The following ZNF471 variants were observed in gnomAD, a reference collection of about 807,000 sequenced individuals.
The protein encoded by ZNF471 is zinc finger protein 471.
Under a neutral mutation model 13.7 loss-of-function variants are expected in ZNF471, and 7 were observed. The observed-to-expected ratio is 0.51, with a 90% CI of 0.29 to 0.96. The LOEUF (loss-of-function observed/expected upper bound fraction) is 0.96, where lower values mean the gene tolerates loss of function less well. ZNF471 is among the 40% of genes least tolerant of loss of function. ZNF471 has a pLI of 0.08. For missense variants in ZNF471, 663 were observed against 743.3 expected, an observed-to-expected ratio of 0.89 and a Z score of 1.26; for synonymous variants, 218 against 235.6, an observed-to-expected ratio of 0.93 and a Z score of 0.68.
At chr19:56,512,163 C>T (rs935019713) in intron 2 of ZNF471, among the ~76,000 whole-genome samples, 1 of 141,588 alleles carries the variant, frequency 7.1e-6, no homozygotes, top group African/African-American at 2.6e-5. Flanking sequence ...ACAAAATTTA[C>T]AAACAAATTT....
rs1169511806 is a variant in ZNF471 at position 56,511,527 on chromosome 19, C to T, written c.-45C>T. 1.2e-6 allele frequency: 2 copies of T among 1,612,860 alleles called. No individual in the cohort carries two copies. Among genetic ancestry groups the T allele is most frequent in the Admixed American group, 1.7e-5 (1 of 59,972 alleles). Reference sequence around the variant, plus strand: ...TTTCCCTTCCTTCAGCCTTGCCCTCCCAAGACACTGTTCTTCAAGAGAAAG... The same window carrying T: ...TTTCCCTTCCTTCAGCCTTGCCCTCTCAAGACACTGTTCTTCAAGAGAAAG... On this transcript the variant is annotated 5_prime_UTR_variant, in exon 2 of 5. Transcript: ENST00000308031.
At chr19:56,517,142 CTCTTT>C (rs1014239107) in intron 3 of ZNF471, among the ~76,000 whole-genome samples, 12 of 132,070 alleles carry the variant, frequency 9.1e-5, no homozygotes, top group African/African-American at 3.3e-4. Flanking sequence ...TTCTCTCGCT[CTCTTT>C]TTTTTTTTTT....
chr19:56,510,258 G>C lies in ZNF471; in HGVS notation c.-55-1259G>C. On this transcript the variant is annotated intron_variant, in intron 1 of 4. Transcript: ENST00000308031. The surrounding 1 kb of genome is among the most constrained non-coding windows in gnomAD (Gnocchi z 4.3). ...ACACTGGAGCATTTGAGTAACTGAG[G>C]CCTCTTTGAAAGATACCATTGAATG... The C allele has an allele frequency of 1.0e-6, 1 of 985,462 alleles. No homozygotes were observed. The highest frequency in any genetic ancestry group is 1.2e-6 in the Non-Finnish European group (1 of 829,978). 61.0% of individuals were successfully genotyped at this position (985,462 alleles called of 1,614,324 possible). A position where few individuals can be genotyped will look rare whatever the true frequency, so the allele number is the denominator to read the frequency against.
rs746594568 is a variant in ZNF471, at chr19:56,520,267, T to TA, written c.256+1691dup. On this transcript the variant is annotated intron_variant, in intron 4 of 4. Transcript: ENST00000308031. ...GTGGGATGCTGAGTCAATGTGTAGA[T>TA]ATAAGTATTATTGTATGCATAAGAT... Among the ~76,000 whole-genome samples the TA allele has an allele frequency of 1.2e-4, 18 of 152,270 alleles. 1 individual carries two copies. In the South Asian group the frequency reaches 3.3e-3, roughly 28 times the overall value.
At position 56,516,717 on chromosome 19, in the gene ZNF471, A is replaced by G. The variant is rs1568473020; in HGVS notation, c.160+316A>G. On this transcript the variant is annotated intron_variant, in intron 3 of 4. Transcript: ENST00000308031. The surrounding 1 kb of genome is among the most constrained non-coding windows in gnomAD (Gnocchi z 4.4). ...CCACTAGACAACAACAAGGTTCACAAAGAATATATAGCTAGATTACTATAA... is the reference window on the plus strand; with the variant it reads ...CCACTAGACAACAACAAGGTTCACAGAGAATATATAGCTAGATTACTATAA... Among the ~76,000 whole-genome samples, 2 of 152,240 alleles carry G rather than the reference A, an allele frequency of 1.3e-5. No homozygotes were observed. The highest frequency in any genetic ancestry group is 2.9e-5 in the Non-Finnish European group (2 of 68,026).
At chr19:56,515,738 A>T (rs2043876890) in intron 2 of ZNF471, among the ~76,000 whole-genome samples, 1 of 152,236 alleles carries the variant, frequency 6.6e-6, no homozygotes, top group Admixed American at 6.5e-5. Flanking sequence ...ACTGGTCATT[A>T]ATTTTTCTCT....
rs1180344835 is a variant in ZNF471 at position 56,510,438 on chromosome 19, T to G, written c.-55-1079T>G. The G allele has an allele frequency of 2.0e-6, 2 of 985,494 alleles. No individual in the cohort carries two copies. Among genetic ancestry groups the G allele is most frequent in the Non-Finnish European group, 2.4e-6 (2 of 829,960 alleles). The allele number at this position is 985,494 out of a possible 1,614,324, so 61.0% of individuals were successfully genotyped here. ...TTTACAAATATAACCTCTGTGAGGTTGTGAAGCATGCATGTGTGAGTGAGA... is the reference window on the plus strand; with the variant it reads ...TTTACAAATATAACCTCTGTGAGGTGGTGAAGCATGCATGTGTGAGTGAGA... On this transcript the variant is annotated intron_variant, in intron 1 of 4. Coordinates refer to ENST00000308031, the MANE Select transcript of ZNF471 (RefSeq NM_020813.4). The surrounding 1 kb of genome is among the most constrained non-coding windows in gnomAD (Gnocchi z 4.3).
At position 56,525,897 on chromosome 19, in the gene ZNF471, A is replaced by G. The variant is rs368888162; in HGVS notation, c.1830A>G (p.Arg610=). The G allele has an allele frequency of 1.3e-6, 2 of 1,585,214 alleles. No individual in the cohort carries two copies. The highest frequency in any genetic ancestry group is 1.9e-5 in the Admixed American group (1 of 52,114). The part of the protein sequence containing the change: ...QCFECGKAFR[R]KLSLICHQRS... ...TTGAATGTGGGAAGGCGTTCAGAAGAAAGTTATCCTTAATTTGTCATCAAA... is the reference window on the plus strand; with the variant it reads ...TTGAATGTGGGAAGGCGTTCAGAAGGAAGTTATCCTTAATTTGTCATCAAA... Residue 610 remains arginine, a synonymous_variant, in exon 5 of 5, where the codon AGA becomes AGG. Coordinates refer to ENST00000308031, the MANE Select transcript of ZNF471 (RefSeq NM_020813.4).
chr19:56,523,266 C>T (rs976101788), intron 4 of ZNF471, among the ~76,000 whole-genome samples: 1 of 151,928 alleles, frequency 6.6e-6, no homozygotes, highest in African/African-American at 2.4e-5. Context: ...CCTAGCTACT[C>T]AAGAGAAGGT....
Position 56,524,303 on chromosome 19 carries a change from CT to C in ZNF471, c.257-13del, listed in dbSNP as rs142277230. 1.6e-4 allele frequency: 231 copies of C among 1,477,658 alleles called. 2 individuals are homozygous for C. The African/African-American group carries it at 2.6e-3, about 16-fold the overall frequency. 91.5% of individuals were successfully genotyped at this position (1,477,658 alleles called of 1,614,324 possible). ...TAGCCCATGATAAAGGGAACATTCACTTTTTTTTAATATCTTTCAGATTGGG... is the reference window on the plus strand; with the variant it reads ...TAGCCCATGATAAAGGGAACATTCACTTTTTTTAATATCTTTCAGATTGGG... On this transcript the variant is annotated intron_variant, in intron 4 of 4. Coordinates refer to ENST00000308031, the MANE Select transcript of ZNF471 (RefSeq NM_020813.4). This position sits in a 1 kb window ranked among gnomAD's most constrained non-coding sequence, Gnocchi z 4.8.
rs979555394 is a variant in ZNF471 at position 56,509,814 on chromosome 19, CAGTT to C, written c.-55-1702_-55-1699del. 3 of 982,992 alleles carry C rather than the reference CAGTT, an allele frequency of 3.1e-6. No individual in the cohort carries two copies. In the African/African-American group the frequency reaches 5.3e-5, roughly 17 times the overall value. 60.9% of individuals were successfully genotyped at this position (982,992 alleles called of 1,614,324 possible). On this transcript the variant is annotated intron_variant, in intron 1 of 4. Transcript: ENST00000308031. The stretch of plus-strand genomic sequence containing the variant: ...TGTTGTGTGAGTGGAGTAGGAGAAA[CAGTT>C]TGTTTTTCCTCTTTGTCACCTGAGT...
chr19:56,520,500 C>T (rs751399471), intron 4 of ZNF471, among the ~76,000 whole-genome samples: 4 of 152,120 alleles, frequency 2.6e-5, no homozygotes, highest in Admixed American at 6.6e-5. Context: ...GTTCATTAAC[C>T]CCACATTGCC....
intron 4 of ZNF471, among the ~76,000 whole-genome samples, chr19:56,523,633 C>T (rs1245927117): frequency 2.0e-5 from 3 of 152,164 alleles, no homozygotes; most frequent in African/African-American, 7.2e-5. Flanking sequence ...TTTTCAGCAG[C>T]AGTAGTGATA....
intron 4 of ZNF471, among the ~76,000 whole-genome samples, chr19:56,521,575 C>CTTGCCGAGA (rs1180236040): frequency 2.2e-5 from 3 of 138,900 alleles, no homozygotes. Context: ...GGAGGCAGAA[C>CTTGCCGAGA]TTGCAGTGAG....
At position 56,510,230 on chromosome 19, in the gene ZNF471, G is replaced by A. The variant is rs765129411; in HGVS notation, c.-55-1287G>A. ...TCAGAGTGTGTTTGTGTATCTGTGT[G>A]AGACACTGGAGCATTTGAGTAACTG... On this transcript the variant is annotated intron_variant, in intron 1 of 4. Transcript: ENST00000308031. The surrounding 1 kb of genome is among the most constrained non-coding windows in gnomAD (Gnocchi z 4.3). 29 of 985,382 alleles carry A rather than the reference G, an allele frequency of 2.9e-5. No individual in the cohort carries two copies. Among genetic ancestry groups the A allele is most frequent in the Non-Finnish European group, 3.3e-5 (27 of 830,010 alleles). The allele number at this position is 985,382 out of a possible 1,614,324, so 61.0% of individuals were successfully genotyped here.
intron 1 of ZNF471, among the ~76,000 whole-genome samples, chr19:56,509,019 C>G (rs1018779846): frequency 2.0e-5 from 3 of 152,158 alleles, no homozygotes; most frequent in Admixed American, 6.5e-5. Context: ...GTTATGTTTC[C>G]TGGCTTACGA....
chr19:56,511,517 C>A lies in ZNF471; in HGVS notation c.-55C>A. On this transcript the variant is annotated splice_region_variant and 5_prime_UTR_variant, in exon 2 of 5. Coordinates refer to ENST00000308031, the MANE Select transcript of ZNF471 (RefSeq NM_020813.4). ...CTCTCTAACCTTTCCCTTCCTTCAG[C>A]CTTGCCCTCCCAAGACACTGTTCTT... The A allele has an allele frequency of 1.9e-6, 3 of 1,611,494 alleles. No homozygotes were observed. The highest frequency in any genetic ancestry group is 1.1e-5 in the South Asian group (1 of 90,692).
intron 2 of ZNF471, among the ~76,000 whole-genome samples, chr19:56,514,367 C>T (rs534010288): frequency 6.6e-6 from 1 of 152,254 alleles, no homozygotes; most frequent in South Asian, 2.1e-4. Context: ...TAAGCCACTG[C>T]ACCCGGCCAG....
At chr19:56,511,723 C>A in intron 2 of ZNF471, 119 bp downstream of exon 2, 1 of 774,602 alleles carries the variant, frequency 1.3e-6, no homozygotes, top group East Asian at 2.7e-5. Context: ...GTTCCCACTT[C>A]TCTCAGGGGC....
Sources: allele counts gnomAD v4.1 joint callset (sites outside exome capture counted in the v4.1 genomes callset), GRCh38; gene constraint gnomAD v4.1.1; non-coding constraint Gnocchi (gnomAD v3.1); transcripts MANE v1.5; gene names NCBI Gene and HGNC (gene_info 2026-07-23, HGNC 2026-07-21).